Variants in KRT23 observed in about 807,000 individuals in gnomAD.
KRT23 encodes the protein keratin 23, also known as keratin, type I cytoskeletal 23.
KRT23 carries 38 observed loss-of-function variants against 47.6 expected under a neutral mutation model. The ratio of observed to expected loss-of-function variants is 0.80; its 90% CI spans 0.62 to 1.05. The LOEUF (loss-of-function observed/expected upper bound fraction) is 1.05, where lower values mean the gene tolerates loss of function less well. KRT23 is among the 50% of genes least tolerant of loss of function. KRT23 has a pLI of 0.00. For missense variants in KRT23, 503 were observed against 529.5 expected (o/e 0.95, Z 0.49); for synonymous variants, 191 against 199.0 (o/e 0.96, Z 0.34).
chr17:40,932,465 T>G lies in KRT23; in HGVS notation c.397-1010A>C, dbSNP rs1208964533. ...AGTGTAATAATGCTTTTACGCCAAG[T>G]GTTGTGCTGGACTAGAAACTTAGAG... is the stretch of plus-strand genomic sequence containing the variant. On this transcript the variant is annotated intron_variant, in intron 2 of 8. Transcript: ENST00000209718. 2.0e-5 allele frequency among the ~76,000 whole-genome samples: 3 copies of G among 152,150 alleles called. No individual in the cohort carries two copies. The East Asian group carries it at 5.8e-4, about 29-fold the overall frequency.
intron 7 of KRT23, 43 bp from the exon 8 acceptor site, chr17:40,924,546 A>G: frequency 6.7e-7 from 1 of 1,488,538 alleles, no homozygotes; most frequent in Non-Finnish European, 9.4e-7. Flanking sequence ...AGTATTAGCA[A>G]CAATCATAAC....
chr17:40,928,640 C>T (rs1360999489), intron 4 of KRT23, 33 bp from the exon 5 acceptor site: 1 of 1,593,088 alleles, frequency 6.3e-7, no homozygotes, highest in Non-Finnish European at 8.5e-7. Flanking sequence ...AATGAACCGG[C>T]TTTGACAATC....
At chr17:40,933,189 C>G (rs1465458811) in intron 2 of KRT23, among the ~76,000 whole-genome samples, 1 of 152,212 alleles carries the variant, frequency 6.6e-6, no homozygotes, top group Non-Finnish European at 1.5e-5. Flanking sequence ...GAGATGCCTG[C>G]TCAGACTTTT....
rs1910097548 is a variant in KRT23, at chr17:40,936,606, T to C, written c.-3A>G. On this transcript the variant is annotated 5_prime_UTR_variant, in exon 2 of 9. Coordinates refer to ENST00000209718, the MANE Select transcript of KRT23 (RefSeq NM_015515.5). ...CTGAAGCTGTGTCCGGAGTTCATGGTCCCATCTGTGTTTGGGACGGGGCTG... is the reference window on the plus strand; with the variant it reads ...CTGAAGCTGTGTCCGGAGTTCATGGCCCCATCTGTGTTTGGGACGGGGCTG... The C allele has an allele frequency of 1.3e-6, 2 of 1,513,150 alleles. No homozygotes were observed. Among genetic ancestry groups the C allele is most frequent in the East Asian group, 2.3e-5 (1 of 43,888 alleles). The allele number at this position is 1,513,150 out of a possible 1,614,324, so 93.7% of individuals were successfully genotyped here. A position where few individuals can be genotyped will look rare whatever the true frequency, so the allele number is the denominator to read the frequency against.
At chr17:40,934,095 C>T (rs1219291002) in intron 2 of KRT23, among the ~76,000 whole-genome samples, 1 of 152,168 alleles carries the variant, frequency 6.6e-6, no homozygotes, top group East Asian at 1.9e-4. Context: ...AACTTGTTAT[C>T]AACCTTTTGA....
rs747598293 is a variant in KRT23, at chr17:40,936,516, T to C, written c.88A>G (p.Arg30Gly). The change falls in exon 2 of 9, where the codon AGG becomes GGG. Residue 30 changes from arginine (R) to glycine (G), a missense_variant. Coordinates refer to ENST00000209718, the MANE Select transcript of KRT23 (RefSeq NM_015515.5). ...GCACCGCCATGGACGGTGGGAGCCC[T>C]GGGGAAGCTCCTGGGCCGGCCCCAG... ...GGWGRPRSFP[R>G]APTVHGGAGG... 1.7e-4 allele frequency: 254 copies of C among 1,528,474 alleles called. No individual in the cohort carries two copies. The highest frequency in any genetic ancestry group is 1.1e-3 in the Middle Eastern group (6 of 5,600). 94.7% of individuals were successfully genotyped at this position (1,528,474 alleles called of 1,614,324 possible). A position where few individuals can be genotyped will look rare whatever the true frequency, so the allele number is the denominator to read the frequency against.
intron 6 of KRT23, among the ~76,000 whole-genome samples, chr17:40,925,984 C>T (rs958805522): frequency 2.0e-5 from 3 of 152,042 alleles, no homozygotes; most frequent in African/African-American, 7.2e-5. Flanking sequence ...GTAACTATGT[C>T]CAAAATATTG....
At position 40,925,321 on chromosome 17, in the gene KRT23, C is replaced by T. The variant is rs201500729; in HGVS notation, c.1142+33G>A. 1.6e-4 allele frequency: 257 copies of T among 1,581,496 alleles called. 1 individual carries two copies. Among genetic ancestry groups the T allele is most frequent in the Admixed American group, 1.6e-3 (93 of 59,994 alleles). On this transcript the variant is annotated intron_variant, in intron 7 of 8. Transcript: ENST00000209718. ...ATACCCACAGGAGCTGGAGGTCCCT[C>T]GCATGCTCCTCTCGTGCCAGCCTTT...
rs575192650 is a variant in KRT23, at chr17:40,925,379, G to A, written c.1117C>T (p.Arg373Trp). The change falls in exon 7 of 9, where the codon CGG (arginine) becomes TGG (tryptophan). Residue 373 changes from arginine (R) to tryptophan (W), a missense_variant. Arg to Trp is a moderately radical substitution (Grantham distance 101). Coordinates refer to ENST00000209718, the MANE Select transcript of KRT23 (RefSeq NM_015515.5). ...CCTTCACTCTCTCCCTCCAGGAGCC[G>A]TCGGTACGTGGTGATTTCCTTCTCC... ...HLEKEITTYR[R>W]LLEGESEGTR... 3.8e-5 allele frequency: 62 copies of A among 1,613,594 alleles called. No individual in the cohort carries two copies. Among genetic ancestry groups the A allele is most frequent in the South Asian group, 1.6e-4 (15 of 91,050 alleles).
At chr17:40,929,085 T>C (rs149934090) in intron 4 of KRT23, among the ~76,000 whole-genome samples, 1 of 149,342 alleles carries the variant, frequency 6.7e-6, no homozygotes, top group Non-Finnish European at 1.5e-5. Context: ...ATAGCCTCCA[T>C]GATTACTGAC....
At chr17:40,929,242 C>T (rs1909469130) in intron 4 of KRT23, among the ~76,000 whole-genome samples, 1 of 152,124 alleles carries the variant, frequency 6.6e-6, no homozygotes, top group Non-Finnish European at 1.5e-5. Flanking sequence ...GGAAGCAGTT[C>T]AAGAGGCAAA....
chr17:40,928,524 G>A lies in KRT23; in HGVS notation c.720C>T (p.Val240=), dbSNP rs1367704517. 1.2e-6 allele frequency: 2 copies of A among 1,613,850 alleles called. No homozygotes were observed. Among genetic ancestry groups the A allele is most frequent in the Non-Finnish European group, 1.7e-6 (2 of 1,179,986 alleles). Residue 240 remains valine, a synonymous_variant, in exon 5 of 9, where the codon GTC becomes GTT. Coordinates refer to ENST00000209718, the MANE Select transcript of KRT23 (RefSeq NM_015515.5). ...CATATTCTTGTCTCATATCCTCCAGGACCTTAATCAGATCTTCCCTGGGAC... is the reference window on the plus strand; with the variant it reads ...CATATTCTTGTCTCATATCCTCCAGAACCTTAATCAGATCTTCCCTGGGAC... ...DTGPREDLIK[V]LEDMRQEYEL... is the part of the protein sequence containing the mutation.
intron 2 of KRT23, among the ~76,000 whole-genome samples, chr17:40,933,993 G>A (rs553906056): frequency 6.6e-6 from 1 of 152,300 alleles, no homozygotes; most frequent in Admixed American, 6.5e-5. Flanking sequence ...AATATAGTCC[G>A]ATTGAGAATC....
rs1909176780 is a variant in KRT23 at position 40,925,545 on chromosome 17, C to A, written c.951G>T (p.Glu317Asp). The change falls in exon 7 of 9, where the codon GAG becomes GAT. Residue 317 changes from glutamate (E) to aspartate (D), a missense_variant. Coordinates refer to ENST00000209718, the MANE Select transcript of KRT23 (RefSeq NM_015515.5). ...GCTTGCAGGAGTACCGAGACTGGGT[C>A]TCGGATAACATGTTTTCCAAAGCAG... ...TKSALENMLSETQSRYSCKLQ... is the reference protein window; with the variant it reads ...TKSALENMLSDTQSRYSCKLQ... The A allele has an allele frequency of 6.2e-7, 1 of 1,613,828 alleles. No homozygotes were observed. Among genetic ancestry groups the A allele is most frequent in the Non-Finnish European group, 8.5e-7 (1 of 1,179,918 alleles).
intron 6 of KRT23, among the ~76,000 whole-genome samples, chr17:40,927,545 A>G (rs1909305380): frequency 6.6e-6 from 1 of 152,208 alleles, no homozygotes. Flanking sequence ...TGGCAATTAT[A>G]TGGATGAATG....
In KRT23 at chr17:40,936,496, G is replaced by A. The variant is rs765013390; in HGVS notation, c.108C>T (p.Gly36=). The A allele has an allele frequency of 9.1e-6, 14 of 1,543,396 alleles. No individual in the cohort carries two copies. In the Admixed American group the frequency reaches 1.8e-4, roughly 20 times the overall value. ...RSFPRAPTVH[G]GAGGARISLS... is the part of the protein sequence containing the mutation. ...GGGAGATGCGGGCTCCCCCCGCACCGCCATGGACGGTGGGAGCCCTGGGGA... is the reference window on the plus strand; with the variant it reads ...GGGAGATGCGGGCTCCCCCCGCACCACCATGGACGGTGGGAGCCCTGGGGA... The change falls in exon 2 of 9, where the codon GGC becomes GGT. Residue 36 remains glycine (G), a synonymous_variant. Transcript: ENST00000209718.
intron 7 of KRT23, chr17:40,925,107 T>C (rs1295091984): frequency 5.6e-6 from 3 of 534,022 alleles, no homozygotes; most frequent in Non-Finnish European, 9.9e-6. Context: ...CAAATCCTTT[T>C]GAATTGTTTC....
chr17:40,928,369 C>T lies in KRT23; in HGVS notation c.799-9G>A. The T allele has an allele frequency of 6.2e-7, 1 of 1,614,146 alleles. No homozygotes were observed. Among genetic ancestry groups the T allele is most frequent in the East Asian group, 2.2e-5 (1 of 44,888 alleles). ...TGGGACATGGCTGCAGACTGTGGGA[C>T]CAAGCAAGGCAAAGGCGTCAGCATT... On this transcript the variant is annotated splice_polypyrimidine_tract_variant and intron_variant, in intron 5 of 8. Coordinates refer to ENST00000209718, the MANE Select transcript of KRT23 (RefSeq NM_015515.5).
intron 2 of KRT23, among the ~76,000 whole-genome samples, chr17:40,931,694 T>C (rs1309990426): frequency 1.3e-5 from 2 of 152,204 alleles, no homozygotes; most frequent in African/African-American, 4.8e-5. Flanking sequence ...ACTGCCTTTT[T>C]TCTTTTTATG....
Sources: gnomAD v4.1 joint callset for allele counts (sites outside exome capture counted in the v4.1 genomes callset) on GRCh38, gnomAD v4.1.1 for gene constraint, MANE v1.5 for transcripts, NCBI Gene and HGNC (gene_info 2026-07-23, HGNC 2026-07-21) for gene names.